Variants in CADM2 observed in about 807,000 individuals in gnomAD.
The protein encoded by CADM2 is immunoglobulin superfamily member 4D.
Under a neutral mutation model 49.8 loss-of-function variants are expected in CADM2, and 12 were observed. The ratio of observed to expected loss-of-function variants is 0.24; its 90% CI spans 0.15 to 0.39. The LOEUF is 0.39. CADM2 is among the 10% of genes least tolerant of loss of function. The pLI is 1.00. For missense variants in CADM2, 378 were observed against 492.3 expected (o/e 0.77, Z 2.20); for synonymous variants, 214 against 175.4 (o/e 1.22, Z -1.74).
intron 1 of CADM2, among the ~76,000 whole-genome samples, chr3:85,132,469 T>A (rs1055511405): frequency 2.0e-5 from 3 of 152,200 alleles, no homozygotes; most frequent in Non-Finnish European, 2.9e-5. Context: ...TCTAACAGAT[T>A]CCATTTACAA....
chr3:85,691,342 A>G (rs2066380994), intron 1 of CADM2, among the ~76,000 whole-genome samples: 1 of 152,226 alleles, frequency 6.6e-6, no homozygotes, highest in Non-Finnish European at 1.5e-5. Flanking sequence ...TACATTTGTT[A>G]ATGAACACTT....
chr3:85,868,302 T>G (rs2108344824), intron 3 of CADM2, among the ~76,000 whole-genome samples: 1 of 152,206 alleles, frequency 6.6e-6, no homozygotes, highest in Non-Finnish European at 1.5e-5. Context: ...TATGAAAGCT[T>G]TCTAATGTTC....
chr3:85,216,986 AATTAAGGGAGAATGC>A lies in CADM2; in HGVS notation c.61+257322_61+257336del, dbSNP rs1343818367. Among the ~76,000 whole-genome samples, 3 of 151,996 alleles carry A rather than the reference AATTAAGGGAGAATGC, an allele frequency of 2.0e-5. No homozygotes were observed. The East Asian group carries it at 5.8e-4, about 29-fold the overall frequency. On this transcript the variant is annotated intron_variant, in intron 1 of 9. Transcript: ENST00000383699. ...TCTCTGAAAGAAATACATACAATTT[AATTAAGGGAGAATGC>A]ATTCTTTCTTATAATAAAATATATT...
At chr3:85,377,617 A>G (rs1205605632) in intron 1 of CADM2, among the ~76,000 whole-genome samples, 1 of 152,100 alleles carries the variant, frequency 6.6e-6, no homozygotes, top group Non-Finnish European at 1.5e-5. Context: ...GCTTATGAAG[A>G]AATTATCTCA....
In CADM2 at chr3:85,726,568, G is replaced by C; in HGVS notation, c.88+20G>C. 1 of 1,592,730 alleles carries C rather than the reference G, an allele frequency of 6.3e-7. No homozygotes were observed. The highest frequency in any genetic ancestry group is 1.1e-5 in the South Asian group (1 of 90,458). Reference sequence around the variant, plus strand: ...TTAAAGGTGAGCTCCTGTTTATTCTGCATGAGTCATCATCATTCATTTTTC... The same window carrying C: ...TTAAAGGTGAGCTCCTGTTTATTCTCCATGAGTCATCATCATTCATTTTTC... On this transcript the variant is annotated intron_variant, in intron 2 of 9. Transcript: ENST00000383699.
chr3:85,996,932 C>T (rs1478406308), intron 8 of CADM2, among the ~76,000 whole-genome samples: 1 of 152,140 alleles, frequency 6.6e-6, no homozygotes, highest in Admixed American at 6.6e-5. Flanking sequence ...TTCATCATTC[C>T]TACCAGTCTA....
intron 5 of CADM2, among the ~76,000 whole-genome samples, chr3:85,902,547 T>C (rs1577613524): frequency 6.6e-6 from 1 of 151,802 alleles, no homozygotes; most frequent in Admixed American, 6.6e-5. Flanking sequence ...TTTCCATGTA[T>C]GATATTACAA....
chr3:85,151,002 A>G (rs1388382390), intron 1 of CADM2, among the ~76,000 whole-genome samples: 1 of 151,550 alleles, frequency 6.6e-6, no homozygotes, highest in Non-Finnish European at 1.5e-5. Context: ...TGAAAAGACA[A>G]GATTTTCCTT....
At chr3:85,524,160 GC>G (rs1448599805) in intron 1 of CADM2, among the ~76,000 whole-genome samples, 1 of 152,062 alleles carries the variant, frequency 6.6e-6, no homozygotes, top group Non-Finnish European at 1.5e-5. Flanking sequence ...GATTTTATGA[GC>G]CTTCCCAAAG....
chr3:85,168,206 C>G (rs2040523306), intron 1 of CADM2, among the ~76,000 whole-genome samples: 3 of 152,096 alleles, frequency 2.0e-5, no homozygotes, highest in Admixed American at 1.3e-4. Context: ...CAGGCACTCA[C>G]AGCCATGCCT....
intron 1 of CADM2, among the ~76,000 whole-genome samples, chr3:85,113,686 G>GTTTTTT (rs5850669): frequency 7.3e-6 from 1 of 136,578 alleles, no homozygotes; most frequent in African/African-American, 2.7e-5. Context: ...TTATTCATTC[G>GTTTTTT]TTTTTTTTTT....
chr3:85,044,480 A>C (rs1399899574), intron 1 of CADM2, among the ~76,000 whole-genome samples: 4 of 152,196 alleles, frequency 2.6e-5, no homozygotes, highest in African/African-American at 9.6e-5. Flanking sequence ...CTGCATTATG[A>C]AGGGATACAT....
chr3:84,986,016 A>G (rs2032529486), intron 1 of CADM2, among the ~76,000 whole-genome samples: 1 of 152,238 alleles, frequency 6.6e-6, no homozygotes, highest in South Asian at 2.1e-4. Context: ...AAGCCTCTCA[A>G]TGAACTTCAT....
chr3:85,961,392 A>G, intron 7 of CADM2, 77 bp from the exon 8 acceptor site: 1 of 1,250,320 alleles, frequency 8.0e-7, no homozygotes, highest in Admixed American at 2.2e-5. Context: ...TTAAATATTA[A>G]AAAATTGATT....
chr3:85,007,183 T>C (rs1382339581), intron 1 of CADM2, among the ~76,000 whole-genome samples: 1 of 152,164 alleles, frequency 6.6e-6, no homozygotes, highest in Admixed American at 6.6e-5. Context: ...ATTTTAATTA[T>C]TTAGAAAAAA....
At chr3:85,920,301 G>A (rs546478108) in intron 6 of CADM2, among the ~76,000 whole-genome samples, 2 of 151,834 alleles carry the variant, frequency 1.3e-5, no homozygotes, top group Admixed American at 1.3e-4. Context: ...GAATATAAAA[G>A]GAAATAGGAA....
chr3:85,534,168 C>A (rs911966819), intron 1 of CADM2, among the ~76,000 whole-genome samples: 2 of 151,964 alleles, frequency 1.3e-5, no homozygotes, highest in African/African-American at 2.4e-5. Flanking sequence ...TTGAAATTTG[C>A]GATGTCTGAT....
chr3:85,913,527 A>T (rs1717891672), intron 6 of CADM2, among the ~76,000 whole-genome samples: 4 of 152,140 alleles, frequency 2.6e-5, no homozygotes, highest in African/African-American at 7.2e-5. Flanking sequence ...TTTTGTTTTC[A>T]TTTATTTATT....
chr3:85,632,941 A>C (rs1017792527), intron 1 of CADM2, among the ~76,000 whole-genome samples: 1 of 152,134 alleles, frequency 6.6e-6, no homozygotes. Flanking sequence ...AAAATCGAAA[A>C]TAAAATAACT....
Sources: allele counts gnomAD v4.1 joint callset (sites outside exome capture counted in the v4.1 genomes callset), GRCh38; gene constraint gnomAD v4.1.1; transcripts MANE v1.5; gene names NCBI Gene and HGNC (gene_info 2026-07-23, HGNC 2026-07-21).